Variants in CCAR2 observed in about 807,000 individuals in gnomAD.
CCAR2 encodes the protein cell cycle and apoptosis regulator 2, also known as cell cycle and apoptosis regulator protein 2.
CCAR2 carries 21 observed loss-of-function variants against 108.1 expected under a neutral mutation model. The ratio of observed to expected loss-of-function variants is 0.19; its 90% CI spans 0.14 to 0.28. The LOEUF is 0.28. CCAR2 is among the 10% of genes least tolerant of loss of function. CCAR2 has a pLI of 1.00. For missense variants in CCAR2, 1,126 were observed against 1,177.0 expected, an observed-to-expected ratio of 0.96 and a Z score of 0.63; for synonymous variants, 577 against 472.8, an observed-to-expected ratio of 1.22 and a Z score of -2.86.
chr8:22,621,309 G>C (rs530633458), downstream of CCAR2: 4 of 1,392,174 alleles, frequency 2.9e-6, no homozygotes, highest in East Asian at 1.0e-4. Flanking sequence ...GGGCCGGCAA[G>C]TGAACCAGGG....
chr8:22,613,853 G>C (rs1276180656), intron 8 of CCAR2: 7 of 518,504 alleles, frequency 1.4e-5, no homozygotes, highest in Non-Finnish European at 2.4e-5. Context: ...TTAAGGCAAT[G>C]ACCCATTTCT....
rs573094400 is a variant in CCAR2, at chr8:22,610,092, C to T, written c.584+2027C>T. The stretch of plus-strand genomic sequence containing the variant: ...TCCAAACCCAGGATGCTTCTGGTCC[C>T]AAGCATTTCAGATAAGGGATACTCA... On this transcript the variant is annotated intron_variant, in intron 7 of 20. Coordinates refer to ENST00000308511, the MANE Select transcript of CCAR2 (RefSeq NM_001393997.1). 9.2e-5 allele frequency among the ~76,000 whole-genome samples: 14 copies of T among 152,218 alleles called. No individual in the cohort carries two copies. The South Asian group carries it at 1.0e-3, about 11-fold the overall frequency.
rs993484473 is a variant in CCAR2 at position 22,606,295 on chromosome 8, G to T, written c.150+119G>T. 8 of 909,760 alleles carry T rather than the reference G, an allele frequency of 8.8e-6. No homozygotes were observed. In the South Asian group the frequency reaches 1.0e-4, roughly 12 times the overall value. The allele number at this position is 909,760 out of a possible 1,614,324, so 56.4% of individuals were successfully genotyped here. A position where few individuals can be genotyped will look rare whatever the true frequency, so the allele number is the denominator to read the frequency against. On this transcript the variant is annotated intron_variant, in intron 3 of 20. Coordinates refer to ENST00000308511, the MANE Select transcript of CCAR2 (RefSeq NM_001393997.1). ...ATTCCTGATCCCTCTCCTGGTAGTGGGCTAGTATGGGGTTGCCCAGATAGC... is the reference window on the plus strand; with the variant it reads ...ATTCCTGATCCCTCTCCTGGTAGTGTGCTAGTATGGGGTTGCCCAGATAGC...
chr8:22,617,446 A>T lies in CCAR2; in HGVS notation c.1872A>T (p.Pro624=), dbSNP rs767781423. The change falls in exon 15 of 21, where the codon CCA becomes CCT. Residue 624 remains proline (P), a synonymous_variant. Transcript: ENST00000308511. ...AGGAGGATGGGCTTTTGCCCAAACC[A>T]CTCTCTTCTGGGGGAGAGGAAGAAG... The part of the protein sequence containing the change: ...PLKEDGLLPK[P]LSSGGEEEEK... 33 of 1,575,560 alleles carry T rather than the reference A, an allele frequency of 2.1e-5. No homozygotes were observed. The highest frequency in any genetic ancestry group is 2.8e-5 in the Non-Finnish European group (33 of 1,163,294).
At chr8:22,621,440 GGA>G (rs1300347625), downstream of CCAR2, 3 of 1,613,446 alleles carry the variant, frequency 1.9e-6, no homozygotes, top group Non-Finnish European at 2.5e-6. Context: ...CGGCCACAAT[GGA>G]GAGGGCCCGG....
In CCAR2 at chr8:22,615,870, G is replaced by C; in HGVS notation, c.1566G>C (p.Gly522=). 1 of 1,614,044 alleles carries C rather than the reference G, an allele frequency of 6.2e-7. No individual in the cohort carries two copies. The highest frequency in any genetic ancestry group is 8.5e-7 in the Non-Finnish European group (1 of 1,180,028). Residue 522 remains glycine (G), a synonymous_variant, in exon 13 of 21, where the codon GGG becomes GGC. Coordinates refer to ENST00000308511, the MANE Select transcript of CCAR2 (RefSeq NM_001393997.1). ...RPGCVNLSLH[G]IVEDRRPKER... ...GCTGTGTAAACCTGTCCCTCCATGG[G>C]ATTGTGGAGGATCGGAGGCCAAAGG...
chr8:22,621,484 C>G, downstream of CCAR2: 2 of 1,613,954 alleles, frequency 1.2e-6, no homozygotes, highest in Non-Finnish European at 1.7e-6. Context: ...TTCTCCCGCT[C>G]CCGCTGCTCA....
chr8:22,612,849 T>C (rs1270703563), intron 7 of CCAR2, 168 bp from the exon 8 acceptor site: 2 of 698,580 alleles, frequency 2.9e-6, no homozygotes, highest in African/African-American at 1.8e-5. Flanking sequence ...ACAGTAAATA[T>C]CCATTTTAAT....
chr8:22,617,340 C>G (rs1396913482), intron 14 of CCAR2, 80 bp from the exon 15 acceptor site: 1 of 1,482,956 alleles, frequency 6.7e-7, no homozygotes, highest in East Asian at 2.3e-5. Flanking sequence ...ATAGTTGATA[C>G]TCAGGTGTCA....
At chr8:22,618,783 CTCTG>C (rs1182736557) in intron 18 of CCAR2, 40 bp from the exon 19 acceptor site, 1 of 1,613,206 alleles carries the variant, frequency 6.2e-7, no homozygotes, top group Non-Finnish European at 8.5e-7. Flanking sequence ...AGGCTGCCCT[CTCTG>C]GAGACTCCAT....
intron 1 of CCAR2, 118 bp from the exon 2 acceptor site, chr8:22,605,618 A>T (rs889542417): frequency 1.5e-6 from 1 of 645,828 alleles, no homozygotes; most frequent in Non-Finnish European, 2.8e-6. Flanking sequence ...GCTTTCATTC[A>T]TTCTTATTAC....
In CCAR2 at chr8:22,619,351, A is replaced by T. The variant is rs1801661406; in HGVS notation, c.2723A>T (p.Glu908Val). The change falls in exon 20 of 21, where the codon GAA becomes GTA. Residue 908 changes from glutamate (E) to valine (V), a missense_variant. Glu to Val is a moderately radical substitution (Grantham distance 121, BLOSUM62 -2). Coordinates refer to ENST00000308511, the MANE Select transcript of CCAR2 (RefSeq NM_001393997.1). ...PLQLEIQRVV[E>V]KADSWVEKEE... Reference sequence around the variant, plus strand: ...CAGCTGGAGATCCAGCGGGTGGTGGAAAAGGTAAGGTGGGGGTGGACCAGG... The same window carrying T: ...CAGCTGGAGATCCAGCGGGTGGTGGTAAAGGTAAGGTGGGGGTGGACCAGG... 1 of 1,557,376 alleles carries T rather than the reference A, an allele frequency of 6.4e-7. No homozygotes were observed. The highest frequency in any genetic ancestry group is 1.2e-5 in the South Asian group (1 of 84,634).
intron 1 of CCAR2, 65 bp downstream of exon 1, chr8:22,604,907 G>A (rs1049921944): frequency 2.6e-6 from 1 of 386,438 alleles, no homozygotes; most frequent in Non-Finnish European, 5.1e-6. Context: ...GCTGGCCGAG[G>A]GGCTGCGAGG....
chr8:22,612,782 T>TA (rs1451433962), intron 7 of CCAR2: 13 of 348,172 alleles, frequency 3.7e-5, no homozygotes, highest in Non-Finnish European at 1.0e-5. Context: ...AGCTGAGGCC[T>TA]ACTGTGTATA....
At position 22,616,114 on chromosome 8, in the gene CCAR2, C is replaced by G; in HGVS notation, c.1711C>G (p.Pro571Ala). ...CCTTCCTGAAAAGGTCGTGTCCCCA[C>G]CTGAACCTGAGAAGGAGGAGGCGGC... ...LSLPEKVVSPPEPEKEEAAKE... is the reference protein window; with the variant it reads ...LSLPEKVVSPAEPEKEEAAKE... The change falls in exon 14 of 21, where the codon CCT (proline) becomes GCT (alanine). Residue 571 changes from proline to alanine, a missense_variant. By Grantham distance (27) the Pro-to-Ala change is conservative. Around this residue, in one of 4 missense-constraint regions of CCAR2, gnomAD observed 1,013 missense variants for 993.9 expected, o/e 1.02. Coordinates refer to ENST00000308511, the MANE Select transcript of CCAR2 (RefSeq NM_001393997.1). The G allele has an allele frequency of 1.9e-6, 3 of 1,613,964 alleles. No individual in the cohort carries two copies. The African/African-American group carries it at 4.0e-5, about 22-fold the overall frequency.
chr8:22,616,292 C>T (rs1341649464), intron 14 of CCAR2, 44 bp downstream of exon 14: 1 of 1,565,064 alleles, frequency 6.4e-7, no homozygotes. Flanking sequence ...CTTACCGTGA[C>T]CGCGCACCTT....
intron 16 of CCAR2, 135 bp downstream of exon 16, chr8:22,617,913 C>G (rs1347061886): frequency 5.6e-6 from 5 of 887,814 alleles, no homozygotes; most frequent in African/African-American, 1.7e-5. Context: ...TGGTCCTTGG[C>G]TCATGGAAGG....
Position 22,616,068 on chromosome 8 carries a change from A to G in CCAR2, c.1665A>G (p.Arg555=), listed in dbSNP as rs1372041099. The G allele has an allele frequency of 3.1e-6, 5 of 1,613,818 alleles. No homozygotes were observed. In the African/African-American group the frequency reaches 4.0e-5, roughly 13 times the overall value. The stretch of plus-strand genomic sequence containing the variant: ...TGCTCCAGAGGGATTTTGGCTATAG[A>G]GTTTATAAGATGCTACTGAGCCTTC... ...LEMLQRDFGY[R]VYKMLLSLPE... Residue 555 remains arginine (R), a synonymous_variant, in exon 14 of 21, where the codon AGA becomes AGG. Coordinates refer to ENST00000308511, the MANE Select transcript of CCAR2 (RefSeq NM_001393997.1).
At position 22,613,055 on chromosome 8, in the gene CCAR2, G is replaced by A. The variant is rs375489821; in HGVS notation, c.623G>A (p.Gly208Asp). ...YDSKKRKQRA[G>D]GEPWGAKKPR... ...TCCAAGAAACGCAAACAGCGGGCTGGTGGAGAGCCCTGGGGTGCTAAGAAG... is the reference window on the plus strand; with the variant it reads ...TCCAAGAAACGCAAACAGCGGGCTGATGGAGAGCCCTGGGGTGCTAAGAAG... The change falls in exon 8 of 21, where the codon GGT becomes GAT. Residue 208 changes from glycine (G) to aspartate (D), a missense_variant. Around this residue, in one of 4 missense-constraint regions of CCAR2, gnomAD observed 1,013 missense variants for 993.9 expected, o/e 1.02. Transcript: ENST00000308511. 1.2e-6 allele frequency: 2 copies of A among 1,613,158 alleles called. No individual in the cohort carries two copies. Among genetic ancestry groups the A allele is most frequent in the Non-Finnish European group, 1.7e-6 (2 of 1,179,776 alleles).
Sources: gnomAD v4.1 joint callset for allele counts (sites outside exome capture counted in the v4.1 genomes callset) on GRCh38, gnomAD v4.1.1 for gene constraint, gnomAD v4.1.1 regional missense constraint, MANE v1.5 for transcripts, NCBI Gene and HGNC (gene_info 2026-07-23, HGNC 2026-07-21) for gene names.